Variants in SNRK observed in about 807,000 individuals in gnomAD.
SNRK encodes SNF-related serine/threonine-protein kinase.
In SNRK, 3 loss-of-function variants were observed where a neutral mutation model predicts 48.2. The observed-to-expected ratio is 0.06, with a 90% CI of 0.03 to 0.16. The LOEUF (loss-of-function observed/expected upper bound fraction) is 0.16, where lower values mean the gene tolerates loss of function less well. Ranked by LOEUF, SNRK falls within the 10% of genes least tolerant of loss-of-function variation. The pLI is 1.00. For missense variants in SNRK, 627 were observed against 976.0 expected, an observed-to-expected ratio of 0.64 and a Z score of 4.76; for synonymous variants, 376 against 366.1, an observed-to-expected ratio of 1.03 and a Z score of -0.31.
chr3:43,329,199 G>T (rs2091126436), intron 3 of SNRK, among the ~76,000 whole-genome samples: 1 of 152,122 alleles, frequency 6.6e-6, no homozygotes, highest in South Asian at 2.1e-4. Context: ...AAAAAGTCTG[G>T]AAAATGAGGT....
intron 3 of SNRK, among the ~76,000 whole-genome samples, chr3:43,316,351 T>A (rs181855333): frequency 1.4e-4 from 21 of 150,506 alleles, no homozygotes; most frequent in Non-Finnish European, 2.5e-4. Context: ...GGGAGATTTT[T>A]AAAAAATACC....
intron 3 of SNRK, among the ~76,000 whole-genome samples, chr3:43,311,533 A>G (rs1203050352): frequency 6.6e-6 from 1 of 152,256 alleles, no homozygotes; most frequent in African/African-American, 2.4e-5. Context: ...GTCAGAAAGG[A>G]TAGGGGGAAA....
chr3:43,331,239 A>G (rs913034113), intron 3 of SNRK, among the ~76,000 whole-genome samples: 2 of 152,222 alleles, frequency 1.3e-5, no homozygotes, highest in African/African-American at 2.4e-5. Context: ...TCTGGAATGA[A>G]TGAATGATTT....
At chr3:43,324,508 CAAAAA>C (rs11299310) in intron 3 of SNRK, among the ~76,000 whole-genome samples, 4 of 96,440 alleles carry the variant, frequency 4.1e-5, no homozygotes, top group African/African-American at 3.4e-5. Context: ...GACTCTGTCT[CAAAAA>C]AAAAAAAAAA....
rs2091289747 is a variant in SNRK, at chr3:43,347,913, C to T, written c.1654C>T (p.Arg552Trp). ...ETSDDDSESRRRLDKDSGFTY... is the reference protein window; with the variant it reads ...ETSDDDSESRWRLDKDSGFTY... ...CAGTGATGATGATTCTGAAAGCCGG[C>T]GGCGGCTCGATAAAGATAGCGGGTT... The change falls in exon 7 of 7, where the codon CGG (arginine) becomes TGG (tryptophan). Residue 552 changes from arginine (R) to tryptophan (W), a missense_variant. By Grantham distance (101) the Arg-to-Trp change is moderately radical. This residue lies in a region of SNRK where 98 missense variants were observed against 175.2 expected (regional missense o/e 0.56). Coordinates refer to ENST00000296088, the MANE Select transcript of SNRK (RefSeq NM_017719.5). The surrounding 1 kb of genome is among the most constrained non-coding windows in gnomAD (Gnocchi z 5.4). 1.9e-6 allele frequency: 3 copies of T among 1,614,114 alleles called. No homozygotes were observed. Among genetic ancestry groups the T allele is most frequent in the Non-Finnish European group, 2.5e-6 (3 of 1,180,028 alleles).
At chr3:43,293,795 T>C (rs900786324) in intron 1 of SNRK, among the ~76,000 whole-genome samples, 2 of 152,070 alleles carry the variant, frequency 1.3e-5, no homozygotes, top group Non-Finnish European at 2.9e-5. Flanking sequence ...GGCATGTTCC[T>C]GTAATCCCAG....
chr3:43,331,470 T>A (rs888589707), intron 3 of SNRK, among the ~76,000 whole-genome samples: 1 of 152,202 alleles, frequency 6.6e-6, no homozygotes, highest in Non-Finnish European at 1.5e-5. Flanking sequence ...ATGCAAAATT[T>A]TAGACAGATG....
chr3:43,341,389 G>C (rs2091236463), intron 5 of SNRK, among the ~76,000 whole-genome samples: 1 of 152,124 alleles, frequency 6.6e-6, no homozygotes, highest in African/African-American at 2.4e-5. Flanking sequence ...CTGACCTCGT[G>C]ATCCGCCCGC....
At position 43,303,021 on chromosome 3, in the gene SNRK, AC is replaced by A. The variant is rs2090909799; in HGVS notation, c.-106-76del. On this transcript the variant is annotated intron_variant, in intron 2 of 6. Coordinates refer to ENST00000296088, the MANE Select transcript of SNRK (RefSeq NM_017719.5). This position sits in a 1 kb window ranked among gnomAD's most constrained non-coding sequence, Gnocchi z 6.2. Reference sequence around the variant, plus strand: ...TCAAGTTTCTCTTAAAATGAAAAAAACAAAAAATGAAGTGATTTTAAAGTTT... The same window carrying A: ...TCAAGTTTCTCTTAAAATGAAAAAAAAAAAAATGAAGTGATTTTAAAGTTT... 8.6e-6 allele frequency: 4 copies of A among 467,332 alleles called. No individual in the cohort carries two copies. The highest frequency in any genetic ancestry group is 1.5e-5 in the Non-Finnish European group (4 of 268,898). The allele number at this position is 467,332 out of a possible 1,614,324, so 28.9% of individuals were successfully genotyped here.
At chr3:43,315,484 CTT>C (rs2091007341) in intron 3 of SNRK, among the ~76,000 whole-genome samples, 1 of 152,166 alleles carries the variant, frequency 6.6e-6, no homozygotes, top group South Asian at 2.1e-4. Context: ...ATTTGTTTAA[CTT>C]TTATATTACT....
chr3:43,309,527 A>G (rs2090963327), intron 3 of SNRK, among the ~76,000 whole-genome samples: 1 of 152,182 alleles, frequency 6.6e-6, no homozygotes, highest in South Asian at 2.1e-4. Flanking sequence ...CTGATTAGTA[A>G]GCAGCCATCA....
At chr3:43,332,413 C>A in intron 4 of SNRK, 103 bp downstream of exon 4, 1 of 671,466 alleles carries the variant, frequency 1.5e-6, no homozygotes, top group Non-Finnish European at 2.1e-6. Flanking sequence ...TTCAAACATC[C>A]AAGCATCTGG....
chr3:43,328,630 A>G (rs1014908239), intron 3 of SNRK, among the ~76,000 whole-genome samples: 3 of 152,214 alleles, frequency 2.0e-5, no homozygotes, highest in Non-Finnish European at 4.4e-5. Flanking sequence ...TCTTAGTCCT[A>G]TAATACCAGA....
In SNRK at chr3:43,303,115, G is replaced by C. The variant is rs1383391616; in HGVS notation, c.-89G>C. ...TTTTGTAGATATCCATGACGACATT[G>C]AAAATGAATTTTTTGTATTCACCAG... On this transcript the variant is annotated 5_prime_UTR_variant, in exon 3 of 7. Coordinates refer to ENST00000296088, the MANE Select transcript of SNRK (RefSeq NM_017719.5). This position sits in a 1 kb window ranked among gnomAD's most constrained non-coding sequence, Gnocchi z 6.2. 6.4e-6 allele frequency: 6 copies of C among 935,710 alleles called. No homozygotes were observed. Among genetic ancestry groups the C allele is most frequent in the Non-Finnish European group, 9.4e-6 (6 of 640,110 alleles). The allele number at this position is 935,710 out of a possible 1,614,324, so 58.0% of individuals were successfully genotyped here. A position where few individuals can be genotyped will look rare whatever the true frequency, so the allele number is the denominator to read the frequency against.
intron 4 of SNRK, among the ~76,000 whole-genome samples, chr3:43,338,392 G>C (rs941633914): frequency 3.3e-5 from 5 of 152,220 alleles, no homozygotes; most frequent in African/African-American, 1.2e-4. Flanking sequence ...TCAGCTCATG[G>C]AAGATATTAT....
intron 3 of SNRK, among the ~76,000 whole-genome samples, chr3:43,321,816 A>C (rs1449039485): frequency 1.3e-5 from 2 of 152,216 alleles, no homozygotes; most frequent in African/African-American, 4.8e-5. Context: ...CTAAAAGGGG[A>C]ATCTTTGATG....
intron 3 of SNRK, among the ~76,000 whole-genome samples, chr3:43,331,283 A>C (rs1042930822): frequency 1.3e-5 from 2 of 152,186 alleles, no homozygotes; most frequent in African/African-American, 4.8e-5. Context: ...TCATCTTAAA[A>C]ATTTTTTTTC....
At chr3:43,315,505 T>C (rs977512597) in intron 3 of SNRK, among the ~76,000 whole-genome samples, 3 of 152,236 alleles carry the variant, frequency 2.0e-5, no homozygotes, top group South Asian at 2.1e-4. Flanking sequence ...CTTCCTCTTG[T>C]ACTATTTACC....
intron 1 of SNRK, among the ~76,000 whole-genome samples, chr3:43,294,019 G>A (rs77909986): frequency 0.025 from 3,818 of 152,218 alleles, 164 homozygotes; most frequent in African/African-American, 0.085. Context: ...ATGAAATGTA[G>A]TAGCCTCAAA....
Sources: gnomAD v4.1 joint callset for allele counts (sites outside exome capture counted in the v4.1 genomes callset) on GRCh38, gnomAD v4.1.1 for gene constraint, gnomAD v4.1.1 regional missense constraint, Gnocchi (gnomAD v3.1) non-coding constraint, MANE v1.5 for transcripts, NCBI Gene and HGNC (gene_info 2026-07-23, HGNC 2026-07-21) for gene names.